Variants in DDR2 observed in about 807,000 individuals in gnomAD.
The protein encoded by DDR2 is discoidin domain receptor tyrosine kinase 2, also known as discoidin domain-containing receptor 2.
DDR2 carries 27 observed loss-of-function variants against 94.9 expected under a neutral mutation model. The observed-to-expected ratio is 0.28, with a 90% CI of 0.21 to 0.39. The LOEUF (loss-of-function observed/expected upper bound fraction) is 0.39. DDR2 is among the 10% of genes least tolerant of loss of function. The pLI, the probability that DDR2 is intolerant of heterozygous loss-of-function variation, is 1.00. For missense variants in DDR2, 783 were observed against 1,076.0 expected (o/e 0.73, Z 3.81); for synonymous variants, 382 against 377.2 (o/e 1.01, Z -0.15).
intron 16 of DDR2, 82 bp downstream of exon 16, chr1:162,776,452 C>A: frequency 7.8e-7 from 1 of 1,284,488 alleles, no homozygotes; most frequent in South Asian, 1.2e-5. Context: ...AAACCTGAGA[C>A]AGCAGGAGGC....
intron 2 of DDR2, among the ~76,000 whole-genome samples, chr1:162,696,917 C>T (rs1660220241): frequency 6.6e-6 from 1 of 152,098 alleles, no homozygotes; most frequent in African/African-American, 2.4e-5. Flanking sequence ...GGCCTGGGTT[C>T]CTGTACTTAG....
At chr1:162,653,034 G>A (rs1337966342) in intron 1 of DDR2, among the ~76,000 whole-genome samples, 1 of 152,178 alleles carries the variant, frequency 6.6e-6, no homozygotes, top group Non-Finnish European at 1.5e-5. Context: ...TGAACCAAGA[G>A]GTGGAGGTTG....
At chr1:162,631,858 A>G (rs1656573617), upstream of DDR2, among the ~76,000 whole-genome samples, 1 of 152,078 alleles carries the variant, frequency 6.6e-6, no homozygotes, top group Non-Finnish European at 1.5e-5. Flanking sequence ...GCAGCAGCCA[A>G]CTGGGAATTG....
intron 2 of DDR2, among the ~76,000 whole-genome samples, chr1:162,714,154 A>G (rs1302047173): frequency 5.9e-5 from 9 of 152,178 alleles, no homozygotes; most frequent in Admixed American, 1.3e-4. Context: ...CTTTTAAAAA[A>G]TGATTTATAG....
chr1:162,737,016 A>G (rs956573218), intron 3 of DDR2, among the ~76,000 whole-genome samples: 23 of 151,950 alleles, frequency 1.5e-4, no homozygotes, highest in African/African-American at 5.6e-4. Context: ...TATGACTTTC[A>G]TTTCTTTTAT....
At chr1:162,757,208 G>T (rs1407336827) in intron 7 of DDR2, among the ~76,000 whole-genome samples, 4 of 152,162 alleles carry the variant, frequency 2.6e-5, no homozygotes, top group African/African-American at 9.7e-5. Context: ...ATTAAAATGT[G>T]TGTGAAAAGC....
intron 11 of DDR2, among the ~76,000 whole-genome samples, chr1:162,768,540 G>C (rs1460937159): frequency 2.6e-5 from 4 of 152,132 alleles, no homozygotes; most frequent in Non-Finnish European, 4.4e-5. Context: ...CCAGAGGAGA[G>C]GAAAGGGCAC....
chr1:162,711,114 C>T (rs1274578792), intron 2 of DDR2, among the ~76,000 whole-genome samples: 1 of 152,222 alleles, frequency 6.6e-6, no homozygotes, highest in African/African-American at 2.4e-5. Flanking sequence ...TCTACCAAAT[C>T]AGACATGTCT....
At chr1:162,649,425 G>C (rs1201593760) in intron 1 of DDR2, among the ~76,000 whole-genome samples, 1 of 152,114 alleles carries the variant, frequency 6.6e-6, no homozygotes, top group African/African-American at 2.4e-5. Flanking sequence ...ACAAGAGTTG[G>C]GATTTGGGTC....
chr1:162,678,553 T>C (rs6693632), intron 2 of DDR2, among the ~76,000 whole-genome samples: 4,231 of 152,276 alleles, frequency 0.028, 83 homozygotes, highest in Non-Finnish European at 0.042. Flanking sequence ...CTTTTGTAAA[T>C]GAGGAATCAC....
chr1:162,745,516 A>G (rs1299251402), intron 3 of DDR2, among the ~76,000 whole-genome samples: 2 of 152,070 alleles, frequency 1.3e-5, no homozygotes, highest in African/African-American at 4.8e-5. Flanking sequence ...ATGTATGATA[A>G]TAGTTTAATT....
Position 162,770,473 on chromosome 1 carries a change from C to T in DDR2, c.1465C>T (p.Arg489Ter), listed in dbSNP as rs752778008. Reference sequence around the variant, plus strand: ...CTACCAGGAGCCATCCAGGCTGATACGAAAACTCCCAGAATTTGCTCCAGG... The same window carrying T: ...CTACCAGGAGCCATCCAGGCTGATATGAAAACTCCCAGAATTTGCTCCAGG... ...PDYQEPSRLI[R>*]KLPEFAPGEE... The change falls in exon 12 of 18, where the codon CGA (arginine) becomes TGA (stop). Residue 489 changes from arginine to a stop codon, truncating the protein, a stop_gained. Transcript: ENST00000367921. LOFTEE classifies it high-confidence loss of function. 1.2e-6 allele frequency: 2 copies of T among 1,613,918 alleles called. No individual in the cohort carries two copies. The highest frequency in any genetic ancestry group is 1.3e-5 in the African/African-American group (1 of 74,850).
chr1:162,641,208 A>G (rs1657113649), intron 1 of DDR2, among the ~76,000 whole-genome samples: 2 of 152,172 alleles, frequency 1.3e-5, no homozygotes, highest in Non-Finnish European at 2.9e-5. Context: ...AATTTTTCTC[A>G]TCTGTAAAGG....
At chr1:162,696,205 T>C (rs1252613692) in intron 2 of DDR2, among the ~76,000 whole-genome samples, 1 of 100,980 alleles carries the variant, frequency 9.9e-6, no homozygotes, top group Non-Finnish European at 2.4e-5. Context: ...TTTCCTTTTT[T>C]TTTTTTTTTA....
chr1:162,703,193 C>T (rs996204505), intron 2 of DDR2, among the ~76,000 whole-genome samples: 2 of 152,030 alleles, frequency 1.3e-5, no homozygotes, highest in South Asian at 2.1e-4. Flanking sequence ...CTATACAGAA[C>T]GTATAGCCTA....
chr1:162,743,143 T>C (rs887944824), intron 3 of DDR2, among the ~76,000 whole-genome samples: 7 of 152,274 alleles, frequency 4.6e-5, no homozygotes, highest in South Asian at 2.1e-4. Context: ...TTGCAGTTTC[T>C]GGAAGTATCA....
At chr1:162,740,578 T>A (rs1662539809) in intron 3 of DDR2, among the ~76,000 whole-genome samples, 1 of 152,208 alleles carries the variant, frequency 6.6e-6, no homozygotes, top group Non-Finnish European at 1.5e-5. Flanking sequence ...CCTTGATTTC[T>A]TTATATAAAA....
At chr1:162,662,864 C>G (rs552893041) in intron 2 of DDR2, among the ~76,000 whole-genome samples, 5 of 152,146 alleles carry the variant, frequency 3.3e-5, no homozygotes, top group Admixed American at 1.3e-4. Context: ...TCCTAGTCCA[C>G]TTTTTCTAAA....
intron 9 of DDR2, among the ~76,000 whole-genome samples, chr1:162,763,625 G>T (rs1295525493): frequency 6.6e-6 from 1 of 152,026 alleles, no homozygotes; most frequent in Non-Finnish European, 1.5e-5. Flanking sequence ...AGCACCCGAC[G>T]TGGAATCAAC....
Sources: allele counts gnomAD v4.1 joint callset (sites outside exome capture counted in the v4.1 genomes callset), GRCh38; gene constraint gnomAD v4.1.1; transcripts MANE v1.5; gene names NCBI Gene and HGNC (gene_info 2026-07-23, HGNC 2026-07-21).